ARHGAP32: variants seen among roughly 807,000 people sequenced by gnomAD.
The protein encoded by ARHGAP32 is rho GTPase-activating protein 32.
In ARHGAP32, 51 loss-of-function variants were observed where a neutral mutation model predicts 186.5. The observed-to-expected ratio is 0.27, with a 90% CI of 0.22 to 0.35. The LOEUF (loss-of-function observed/expected upper bound fraction) is 0.35, where lower values mean the gene tolerates loss of function less well. Ranked by LOEUF, ARHGAP32 falls within the 10% of genes least tolerant of loss-of-function variation. The probability of loss-of-function intolerance (pLI) is 1.00; values close to 1 mark genes in which losing one functional copy is unlikely to be tolerated. For synonymous variants in ARHGAP32, 950 were observed against 964.3 expected (o/e 0.99, Z 0.27); for missense variants, 2,186 against 2,623.5 (o/e 0.83, Z 3.64).
At chr11:129,128,996 G>T (rs915869260) in intron 2 of ARHGAP32, among the ~76,000 whole-genome samples, 1 of 152,142 alleles carries the variant, frequency 6.6e-6, no homozygotes, top group East Asian at 1.9e-4. Context: ...GCCTCTGCCT[G>T]GCCGCCACCC....
intron 18 of ARHGAP32, 120 bp downstream of exon 18, chr11:128,980,433 G>T: frequency 1.5e-6 from 1 of 689,282 alleles, no homozygotes; most frequent in Non-Finnish European, 2.3e-6. Context: ...AGGTTTCTCT[G>T]GGACTAGCCT....
At chr11:129,111,552 T>C (rs1314374648) in intron 5 of ARHGAP32, among the ~76,000 whole-genome samples, 3 of 152,170 alleles carry the variant, frequency 2.0e-5, no homozygotes, top group South Asian at 4.1e-4. Context: ...AGAAGACTTT[T>C]TGTTACTAAT....
In ARHGAP32 at chr11:128,974,126, G is replaced by C; in HGVS notation, c.3071C>G (p.Thr1024Arg). ...GAATGGAGGAAAACAAACGGTACCT[G>C]TCTGAGTCTGTCCAGAAGCTACAGC... is the stretch of plus-strand genomic sequence containing the variant. ...SKAVASGQTQTGAVTHDPPQD... is the reference protein window; with the variant it reads ...SKAVASGQTQRGAVTHDPPQD... Residue 1024 changes from threonine (T) to arginine (R), a missense_variant and splice_region_variant, in exon 21 of 23, where the codon ACA becomes AGA. By Grantham distance (71) the Thr-to-Arg change is moderately conservative. Transcript: ENST00000682385. The C allele has an allele frequency of 6.2e-7, 1 of 1,614,092 alleles. No individual in the cohort carries two copies. Among genetic ancestry groups the C allele is most frequent in the Non-Finnish European group, 8.5e-7 (1 of 1,179,994 alleles).
chr11:129,218,583 A>G (rs1471439257), intron 1 of ARHGAP32, among the ~76,000 whole-genome samples: 1 of 152,166 alleles, frequency 6.6e-6, no homozygotes, highest in Non-Finnish European at 1.5e-5. Context: ...TGGCAATGTC[A>G]GAACTATAAA....
At chr11:129,036,810 G>A (rs1316989643) in intron 11 of ARHGAP32, among the ~76,000 whole-genome samples, 1 of 152,118 alleles carries the variant, frequency 6.6e-6, no homozygotes, top group East Asian at 1.9e-4. Context: ...TCAGGAACAA[G>A]ACACGGATGC....
intron 5 of ARHGAP32, among the ~76,000 whole-genome samples, chr11:129,104,098 A>G (rs971733310): frequency 3.9e-5 from 6 of 152,144 alleles, no homozygotes; most frequent in Non-Finnish European, 5.9e-5. Context: ...TCATGTAAAA[A>G]TAAGAGCCAA....
At chr11:129,007,888 A>G (rs1407922615) in intron 11 of ARHGAP32, among the ~76,000 whole-genome samples, 3 of 152,172 alleles carry the variant, frequency 2.0e-5, no homozygotes, top group African/African-American at 7.2e-5. Flanking sequence ...GTTGCAGCTA[A>G]GTTCTGACGG....
At chr11:129,111,075 C>T (rs1942199457) in intron 5 of ARHGAP32, among the ~76,000 whole-genome samples, 5 of 152,048 alleles carry the variant, frequency 3.3e-5, no homozygotes, top group Admixed American at 2.6e-4. Flanking sequence ...TCATATATGA[C>T]CTTTATTATG....
At chr11:128,987,097 T>C (rs1049863394) in intron 13 of ARHGAP32, among the ~76,000 whole-genome samples, 4 of 152,192 alleles carry the variant, frequency 2.6e-5, no homozygotes, top group African/African-American at 9.6e-5. Flanking sequence ...AACACAGAAA[T>C]GCTTTCCCGA....
At chr11:129,003,291 A>G (rs1426263865) in intron 11 of ARHGAP32, among the ~76,000 whole-genome samples, 2 of 152,138 alleles carry the variant, frequency 1.3e-5, no homozygotes, top group Middle Eastern at 3.2e-3. Context: ...TCAGTTTGCT[A>G]GTATTTTGAG....
chr11:129,078,237 C>A (rs950603665), intron 6 of ARHGAP32, among the ~76,000 whole-genome samples: 1 of 151,992 alleles, frequency 6.6e-6, no homozygotes, highest in Non-Finnish European at 1.5e-5. Flanking sequence ...CTCAGGAAGC[C>A]CCATCCCTAG....
intron 5 of ARHGAP32, among the ~76,000 whole-genome samples, chr11:129,094,180 G>A (rs1359888137): frequency 2.0e-5 from 3 of 152,006 alleles, no homozygotes; most frequent in African/African-American, 7.2e-5. Context: ...ACAACAAGGT[G>A]ACTATAGTTA....
chr11:128,975,980 A>C (rs1221523368), intron 20 of ARHGAP32, among the ~76,000 whole-genome samples: 1 of 152,094 alleles, frequency 6.6e-6, no homozygotes, highest in Non-Finnish European at 1.5e-5. Flanking sequence ...TGGGAGGCTG[A>C]GGCAAGATAA....
At chr11:129,206,282 ACT>A (rs768831160) in intron 1 of ARHGAP32, among the ~76,000 whole-genome samples, 4 of 151,992 alleles carry the variant, frequency 2.6e-5, no homozygotes, top group Non-Finnish European at 5.9e-5. Flanking sequence ...CACGGTCATA[ACT>A]CACTGCAGCA....
At chr11:129,194,937 T>C (rs1171247470), upstream of ARHGAP32, among the ~76,000 whole-genome samples, 3 of 127,424 alleles carry the variant, frequency 2.4e-5, no homozygotes, top group Non-Finnish European at 5.0e-5. Context: ...CTTCAAAGTG[T>C]TGTTTTTTTG....
intron 1 of ARHGAP32, among the ~76,000 whole-genome samples, chr11:129,238,093 T>C (rs957670910): frequency 6.6e-6 from 1 of 152,038 alleles, no homozygotes; most frequent in African/African-American, 2.4e-5. Flanking sequence ...CAAGGAAAAA[T>C]TCAATCTTCT....
intron 22 of ARHGAP32, 123 bp from the exon 23 acceptor site, chr11:128,971,282 T>A: frequency 1.3e-6 from 1 of 755,704 alleles, no homozygotes; most frequent in Non-Finnish European, 2.1e-6. Context: ...CCAAGCCATG[T>A]GGTTGCAATG....
chr11:129,103,945 G>A lies in ARHGAP32; in HGVS notation c.445-10238C>T, dbSNP rs562200976. On this transcript the variant is annotated intron_variant, in intron 5 of 22. Transcript: ENST00000682385. The stretch of plus-strand genomic sequence containing the variant: ...AGACAAAAACCCAGAACTGCAGGAA[G>A]GAATAAACAGTTCCAGAAATAGGAA... Among the ~76,000 whole-genome samples, 578 of 152,036 alleles carry A rather than the reference G, an allele frequency of 3.8e-3. 2 individuals are homozygous for A. The highest frequency in any genetic ancestry group is 0.013 in the African/African-American group (550 of 41,506).
chr11:129,218,198 T>C (rs1452524126), intron 1 of ARHGAP32, among the ~76,000 whole-genome samples: 2 of 152,218 alleles, frequency 1.3e-5, no homozygotes, highest in African/African-American at 4.8e-5. Context: ...TTAAATACGT[T>C]AAATAATATC....
Sources: gnomAD v4.1 joint callset for allele counts (sites outside exome capture counted in the v4.1 genomes callset) on GRCh38, gnomAD v4.1.1 for gene constraint, MANE v1.5 for transcripts, NCBI Gene and HGNC (gene_info 2026-07-23, HGNC 2026-07-21) for gene names.